WDPCP: variants seen among roughly 807,000 people sequenced by gnomAD.
The protein encoded by WDPCP is WD repeat-containing and planar cell polarity effector protein fritz homolog.
WDPCP carries 71 observed loss-of-function variants against 93.1 expected under a neutral mutation model. That is an observed-to-expected ratio of 0.76 (90% CI 0.63 to 0.93). The LOEUF is 0.93. Among genes scored for constraint, WDPCP ranks in the 40% least tolerant of loss-of-function variants. The pLI is 0.00. For synonymous variants in WDPCP, 315 were observed against 315.0 expected (o/e 1.00, Z 0.00); for missense variants, 844 against 887.4 (o/e 0.95, Z 0.62).
At chr2:63,284,054 G>A (rs1293881581) in intron 13 of WDPCP, among the ~76,000 whole-genome samples, 3 of 151,746 alleles carry the variant, frequency 2.0e-5, no homozygotes, top group Non-Finnish European at 4.4e-5. Flanking sequence ...GTACCAAAAT[G>A]GTAAATACAT....
rs1174176570 is a variant in WDPCP at position 63,441,788 on chromosome 2, T to C, written c.385-1917A>G. 5 of 152,220 alleles carry C rather than the reference T, an allele frequency of 3.3e-5. No individual in the cohort carries two copies. The East Asian group carries it at 9.7e-4, about 29-fold the overall frequency. The allele number at this position is 152,220 out of a possible 1,614,324, so 9.4% of individuals were successfully genotyped here. A position where few individuals can be genotyped will look rare whatever the true frequency, so the allele number is the denominator to read the frequency against. ...GGAAAACTATTCTACCATGGGTCAG[T>C]TGTAATCAATTTAAAGATCCTTCAT... On this transcript the variant is annotated intron_variant, in intron 6 of 17. Coordinates refer to ENST00000272321, the MANE Select transcript of WDPCP (RefSeq NM_015910.7).
intron 2 of WDPCP, among the ~76,000 whole-genome samples, chr2:63,674,626 A>C (rs1287928633): frequency 6.6e-6 from 1 of 152,144 alleles, no homozygotes; most frequent in Non-Finnish European, 1.5e-5. Flanking sequence ...TCTGCTGTGT[A>C]ATATCGAGCC....
intron 6 of WDPCP, among the ~76,000 whole-genome samples, chr2:63,470,583 C>T (rs1275399220): frequency 6.6e-6 from 1 of 152,114 alleles, no homozygotes; most frequent in Non-Finnish European, 1.5e-5. Flanking sequence ...CACACCTTAC[C>T]CTGGACTACG....
chr2:63,515,554 A>G (rs1354189456), intron 1 of WDPCP, among the ~76,000 whole-genome samples: 2 of 152,182 alleles, frequency 1.3e-5, no homozygotes, highest in South Asian at 2.1e-4. Flanking sequence ...GAAAAGTGCA[A>G]TTTGCCTTTA....
intron 1 of WDPCP, among the ~76,000 whole-genome samples, chr2:63,526,206 T>C (rs1028026034): frequency 2.6e-5 from 4 of 152,202 alleles, no homozygotes; most frequent in African/African-American, 4.8e-5. Context: ...CTTGAAGTTT[T>C]TGAGGCTCTA....
At chr2:63,781,614 CAG>C (rs1670393018) in intron 2 of WDPCP, among the ~76,000 whole-genome samples, 1 of 152,090 alleles carries the variant, frequency 6.6e-6, no homozygotes, top group Non-Finnish European at 1.5e-5. Context: ...ACTTGGGAGG[CAG>C]AGAGTCATGT....
chr2:63,769,277 C>A (rs1670190695), intron 2 of WDPCP, among the ~76,000 whole-genome samples: 1 of 151,798 alleles, frequency 6.6e-6, no homozygotes, highest in South Asian at 2.1e-4. Context: ...ATGCAACTGT[C>A]TCACTGAGAA....
chr2:63,617,567 C>T (rs1709686147), intron 3 of WDPCP, among the ~76,000 whole-genome samples: 1 of 152,000 alleles, frequency 6.6e-6, no homozygotes, highest in Admixed American at 6.6e-5. Context: ...TGGGGCTGCT[C>T]AGGGGTGGTG....
intron 14 of WDPCP, among the ~76,000 whole-genome samples, chr2:63,197,831 A>G (rs1249881787): frequency 6.6e-6 from 1 of 152,200 alleles, no homozygotes; most frequent in Non-Finnish European, 1.5e-5. Context: ...AGCCAAAGAA[A>G]GTTCTCTGGA....
At chr2:63,364,987 G>C (rs1385284406) in intron 12 of WDPCP, among the ~76,000 whole-genome samples, 3 of 152,172 alleles carry the variant, frequency 2.0e-5, no homozygotes, top group Non-Finnish European at 4.4e-5. Flanking sequence ...AAACAAATGG[G>C]CTTGGCTGTG....
At chr2:63,704,575 G>T (rs1458825158) in intron 2 of WDPCP, among the ~76,000 whole-genome samples, 2 of 152,068 alleles carry the variant, frequency 1.3e-5, no homozygotes, top group African/African-American at 4.8e-5. Flanking sequence ...TTTGTCTTTG[G>T]TTCTGTTTAT....
At chr2:63,294,138 G>A (rs1684656230) in intron 13 of WDPCP, among the ~76,000 whole-genome samples, 1 of 152,112 alleles carries the variant, frequency 6.6e-6, no homozygotes, top group Non-Finnish European at 1.5e-5. Context: ...CACATACAAG[G>A]GCCCCTAAGT....
chr2:63,360,168 A>C (rs1690338694), intron 12 of WDPCP: 1 of 152,244 alleles, frequency 6.6e-6, no homozygotes, highest in Admixed American at 6.5e-5. Flanking sequence ...GTATCTATTA[A>C]AACATTTCTA....
At chr2:63,574,228 C>T (rs1488739106) in intron 1 of WDPCP, among the ~76,000 whole-genome samples, 3 of 152,178 alleles carry the variant, frequency 2.0e-5, no homozygotes, top group African/African-American at 7.2e-5. Context: ...TTTTACAGCT[C>T]AGGGGGCATC....
upstream of WDPCP, among the ~76,000 whole-genome samples, chr2:63,829,620 A>G (rs1371352822): frequency 6.6e-6 from 1 of 152,102 alleles, no homozygotes; most frequent in Non-Finnish European, 1.5e-5. Flanking sequence ...TTCTTGATGT[A>G]CTTAATTTAG....
chr2:63,510,389 C>A (rs931681896), intron 1 of WDPCP, among the ~76,000 whole-genome samples: 1 of 152,086 alleles, frequency 6.6e-6, no homozygotes, highest in African/African-American at 2.4e-5. Flanking sequence ...CACTCCTCCA[C>A]GCTAAGAACA....
intron 14 of WDPCP, chr2:63,229,104 G>A (rs1225778041): frequency 2.0e-5 from 3 of 152,272 alleles, no homozygotes; most frequent in African/African-American, 7.2e-5. Context: ...GTTGTTTGCT[G>A]ACTTTTTAAT....
At chr2:63,260,931 T>A (rs1476774671) in intron 13 of WDPCP, among the ~76,000 whole-genome samples, 1 of 152,220 alleles carries the variant, frequency 6.6e-6, no homozygotes, top group Non-Finnish European at 1.5e-5. Flanking sequence ...GTCCTCAAGT[T>A]AAGAATGGTT....
At chr2:63,255,552 C>G (rs1681064046) in intron 14 of WDPCP, among the ~76,000 whole-genome samples, 3 of 152,192 alleles carry the variant, frequency 2.0e-5, no homozygotes, top group South Asian at 2.1e-4. Context: ...GGTCCTCCTC[C>G]TCTCTCTGTT....
Sources: allele counts gnomAD v4.1 joint callset (sites outside exome capture counted in the v4.1 genomes callset), GRCh38; gene constraint gnomAD v4.1.1; transcripts MANE v1.5; gene names NCBI Gene and HGNC (gene_info 2026-07-23, HGNC 2026-07-21).